ZBTB20: variants seen among roughly 807,000 people sequenced by gnomAD.
The protein encoded by ZBTB20 is zinc finger and BTB domain-containing protein 20.
A neutral mutation model predicts 56.9 loss-of-function variants in ZBTB20; 9 were observed. That is an observed-to-expected ratio of 0.16 (90% confidence interval 0.10 to 0.28). The LOEUF is 0.28. Among genes scored for constraint, ZBTB20 ranks in the 10% least tolerant of loss-of-function variants. ZBTB20 has a pLI of 1.00. For synonymous variants in ZBTB20, 417 were observed against 420.7 expected (o/e 0.99, Z 0.11); for missense variants, 655 against 1,003.0 (o/e 0.65, Z 4.69).
At chr3:114,819,536 G>A (rs2073125690) in intron 4 of ZBTB20, among the ~76,000 whole-genome samples, 1 of 151,888 alleles carries the variant, frequency 6.6e-6, no homozygotes, top group South Asian at 2.1e-4. Context: ...ATAAAAATTA[G>A]TAGGCAATCA....
At chr3:114,550,784 T>C (rs1488158926) in intron 6 of ZBTB20, among the ~76,000 whole-genome samples, 1 of 152,226 alleles carries the variant, frequency 6.6e-6, no homozygotes, top group African/African-American at 2.4e-5. Flanking sequence ...AGGGTCTCAC[T>C]CTGTCACCCA....
intron 7 of ZBTB20, among the ~76,000 whole-genome samples, chr3:114,484,370 T>C (rs2041875647): frequency 6.6e-6 from 1 of 152,164 alleles, no homozygotes; most frequent in Non-Finnish European, 1.5e-5. Context: ...AAGCCTCAGC[T>C]TCAAGACAAA....
At chr3:114,879,697 C>T (rs1273665478) in intron 4 of ZBTB20, among the ~76,000 whole-genome samples, 2 of 152,150 alleles carry the variant, frequency 1.3e-5, no homozygotes, top group Non-Finnish European at 1.5e-5. Context: ...TGAGGCAGTA[C>T]TTGCTTTTGT....
chr3:114,379,209 A>C (rs1358374458), intron 10 of ZBTB20: 4 of 152,232 alleles, frequency 2.6e-5, no homozygotes, highest in African/African-American at 9.6e-5. Flanking sequence ...TTGTGGACAA[A>C]ATTTTATTTT....
At chr3:114,683,719 C>A (rs1444527777) in intron 6 of ZBTB20, among the ~76,000 whole-genome samples, 1 of 152,040 alleles carries the variant, frequency 6.6e-6, no homozygotes, top group African/African-American at 2.4e-5. Flanking sequence ...GCCCCACTCT[C>A]CCCATCCTAG....
intron 7 of ZBTB20, among the ~76,000 whole-genome samples, chr3:114,480,176 C>G (rs872437): frequency 6.6e-6 from 1 of 152,040 alleles, no homozygotes; most frequent in African/African-American, 2.4e-5. Flanking sequence ...ACCTTTCATG[C>G]TGAGATTTCT....
chr3:114,978,938 GTCTA>G (rs1180530113), intron 2 of ZBTB20, among the ~76,000 whole-genome samples: 3 of 151,604 alleles, frequency 2.0e-5, no homozygotes, highest in Admixed American at 6.6e-5. Flanking sequence ...ATTTGAAAAT[GTCTA>G]TCTGTCATTT....
chr3:115,034,128 C>A (rs1472169130), intron 2 of ZBTB20, among the ~76,000 whole-genome samples: 1 of 151,652 alleles, frequency 6.6e-6, no homozygotes, highest in Non-Finnish European at 1.5e-5. Flanking sequence ...TAAAAACTCA[C>A]AGCTAAAATA....
intron 7 of ZBTB20, among the ~76,000 whole-genome samples, chr3:114,395,389 T>C (rs187304266): frequency 3.3e-5 from 5 of 152,260 alleles, no homozygotes; most frequent in Non-Finnish European, 7.4e-5. Flanking sequence ...TCAGCTTTTC[T>C]ATCTGCAAAA....
intron 7 of ZBTB20, among the ~76,000 whole-genome samples, chr3:114,416,838 A>G (rs1263097831): frequency 1.3e-5 from 2 of 151,462 alleles, no homozygotes; most frequent in African/African-American, 4.9e-5. Context: ...GAAAATATTG[A>G]GTTTTGTAGG....
intron 6 of ZBTB20, among the ~76,000 whole-genome samples, chr3:114,562,437 A>G (rs1000255771): frequency 2.0e-5 from 3 of 152,156 alleles, no homozygotes; most frequent in African/African-American, 7.2e-5. Context: ...TGCTGGGATT[A>G]CAGGAGTGAG....
intron 1 of ZBTB20, among the ~76,000 whole-genome samples, chr3:115,076,486 G>A (rs1183788259): frequency 6.6e-6 from 1 of 151,980 alleles, no homozygotes; most frequent in Non-Finnish European, 1.5e-5. Context: ...AATGGTTCTG[G>A]GAAAAACAGC....
intron 10 of ZBTB20, 117 bp downstream of exon 10, chr3:114,380,100 G>T: frequency 1.8e-6 from 2 of 1,111,898 alleles, no homozygotes; most frequent in Non-Finnish European, 1.2e-6. Flanking sequence ...ATTACTTTTG[G>T]CTGCTTTAGA....
chr3:114,662,422 T>C (rs1248993770), intron 6 of ZBTB20, among the ~76,000 whole-genome samples: 1 of 144,742 alleles, frequency 6.9e-6, no homozygotes, highest in Non-Finnish European at 1.5e-5. Context: ...ATATACCCAG[T>C]AATGGGATGG....
chr3:114,692,278 G>A (rs985141300), intron 6 of ZBTB20, among the ~76,000 whole-genome samples: 2 of 152,032 alleles, frequency 1.3e-5, no homozygotes, highest in South Asian at 2.1e-4. Flanking sequence ...CAAGTAAAGC[G>A]TGGGAGTGGG....
chr3:114,584,320 A>T (rs1280115292), intron 6 of ZBTB20, among the ~76,000 whole-genome samples: 1 of 152,162 alleles, frequency 6.6e-6, no homozygotes. Flanking sequence ...AAAATAGTGT[A>T]TCATTTATTT....
In ZBTB20 at chr3:115,029,196, T is replaced by C. The variant is rs191237775; in HGVS notation, c.-507+42023A>G. Among the ~76,000 whole-genome samples, 11 of 150,730 alleles carry C rather than the reference T, an allele frequency of 7.3e-5. No homozygotes were observed. The East Asian group carries it at 1.4e-3, about 19-fold the overall frequency. Reference sequence around the variant, plus strand: ...CACTACAAGAAAAATGTCAGACTTATATGGAAAAAATGTTTTTCTAAGTAA... The same window carrying C: ...CACTACAAGAAAAATGTCAGACTTACATGGAAAAAATGTTTTTCTAAGTAA... On this transcript the variant is annotated intron_variant, in intron 2 of 11. Coordinates refer to ENST00000675478, the MANE Select transcript of ZBTB20 (RefSeq NM_001348800.3).
chr3:114,808,351 T>C (rs2072273586), intron 4 of ZBTB20, among the ~76,000 whole-genome samples: 1 of 151,984 alleles, frequency 6.6e-6, no homozygotes, highest in South Asian at 2.1e-4. Flanking sequence ...ATTATGAGGT[T>C]ATAATATTTG....
At chr3:114,762,614 T>G (rs1409416696) in intron 5 of ZBTB20, among the ~76,000 whole-genome samples, 1 of 152,176 alleles carries the variant, frequency 6.6e-6, no homozygotes, top group Non-Finnish European at 1.5e-5. Flanking sequence ...ATTATTGGTG[T>G]TTATTCTATG....
Sources: allele counts gnomAD v4.1 joint callset (sites outside exome capture counted in the v4.1 genomes callset), GRCh38; gene constraint gnomAD v4.1.1; transcripts MANE v1.5; gene names NCBI Gene and HGNC (gene_info 2026-07-23, HGNC 2026-07-21).